Variants in SNTG1 observed in about 807,000 individuals in gnomAD.
SNTG1 encodes the protein syntrophin gamma 1.
A neutral mutation model predicts 74.7 loss-of-function variants in SNTG1; 39 were observed. That is an observed-to-expected ratio of 0.52 (90% CI 0.40 to 0.68). The LOEUF is 0.68. Among genes scored for constraint, SNTG1 ranks in the 30% least tolerant of loss-of-function variants. The pLI, the probability that SNTG1 is intolerant of heterozygous loss-of-function variation, is 0.00. For synonymous variants in SNTG1, 254 were observed against 217.1 expected, an observed-to-expected ratio of 1.17 and a Z score of -1.49; for missense variants, 685 against 609.5, an observed-to-expected ratio of 1.12 and a Z score of -1.30.
chr8:50,526,246 A>G (rs902489475), intron 9 of SNTG1, among the ~76,000 whole-genome samples: 5 of 152,146 alleles, frequency 3.3e-5, no homozygotes, highest in Non-Finnish European at 5.9e-5. Flanking sequence ...AGTGACACAG[A>G]AACCAGACCC....
chr8:50,551,487 T>C (rs2094426306), intron 11 of SNTG1, among the ~76,000 whole-genome samples: 1 of 152,136 alleles, frequency 6.6e-6, no homozygotes, highest in South Asian at 2.1e-4. Flanking sequence ...TATGCTTTAA[T>C]TTATGGTACA....
chr8:50,729,313 T>G (rs1390630949), intron 17 of SNTG1, among the ~76,000 whole-genome samples: 1 of 152,158 alleles, frequency 6.6e-6, no homozygotes, highest in Admixed American at 6.5e-5. Context: ...CCTGGATACA[T>G]GGGATACATG....
intron 9 of SNTG1, among the ~76,000 whole-genome samples, 185 bp from the exon 10 acceptor site, chr8:50,529,992 C>T (rs532595724): frequency 1.6e-4 from 25 of 151,996 alleles, no homozygotes; most frequent in African/African-American, 5.8e-4. Context: ...CTTTTAGTGC[C>T]CAGATACCTG....
At chr8:50,691,457 C>T (rs1298278600) in intron 15 of SNTG1, among the ~76,000 whole-genome samples, 1 of 152,164 alleles carries the variant, frequency 6.6e-6, no homozygotes, top group Admixed American at 6.5e-5. Context: ...GTGACAAAGT[C>T]TCTCAGCATT....
At chr8:50,630,878 C>A (rs114085652) in intron 13 of SNTG1, among the ~76,000 whole-genome samples, 1 of 152,200 alleles carries the variant, frequency 6.6e-6, no homozygotes, top group Non-Finnish European at 1.5e-5. Flanking sequence ...CTCTGCCTAA[C>A]CTTTTGGAAT....
chr8:50,570,637 G>A (rs904742057), intron 12 of SNTG1, among the ~76,000 whole-genome samples: 7 of 143,788 alleles, frequency 4.9e-5, no homozygotes, highest in South Asian at 2.2e-4. Flanking sequence ...GTGGAGTCTC[G>A]CTCTGTCACC....
chr8:50,162,622 C>T (rs140593323), intron 1 of SNTG1, among the ~76,000 whole-genome samples: 72 of 152,028 alleles, frequency 4.7e-4, no homozygotes, highest in Non-Finnish European at 7.8e-4. Context: ...GAACTTCATC[C>T]TCCATCATGC....
chr8:50,745,658 G>C (rs28797212), intron 17 of SNTG1, among the ~76,000 whole-genome samples: 6,651 of 152,016 alleles, frequency 0.044, 382 homozygotes, highest in African/African-American at 0.12. Flanking sequence ...TGCAACTCAA[G>C]TGTCGGTCGA....
intron 1 of SNTG1, among the ~76,000 whole-genome samples, chr8:50,006,265 A>G (rs1815229572): frequency 6.6e-6 from 1 of 152,092 alleles, no homozygotes; most frequent in Non-Finnish European, 1.5e-5. Flanking sequence ...CCGGCCTAGT[A>G]GCACTTTTTG....
At chr8:50,716,794 G>A (rs1456360505) in intron 17 of SNTG1, among the ~76,000 whole-genome samples, 4 of 150,682 alleles carry the variant, frequency 2.7e-5, no homozygotes, top group Admixed American at 1.3e-4. Flanking sequence ...GTGCAGTGGC[G>A]CGATCTCAGC....
intron 18 of SNTG1, among the ~76,000 whole-genome samples, chr8:50,781,324 A>T (rs953565154): frequency 6.6e-6 from 1 of 151,938 alleles, no homozygotes; most frequent in African/African-American, 2.4e-5. Context: ...TCCCATTATT[A>T]TTGTGTGGGA....
chr8:49,985,566 A>T (rs561926993), intron 1 of SNTG1, among the ~76,000 whole-genome samples: 85 of 152,278 alleles, frequency 5.6e-4, no homozygotes, highest in Middle Eastern at 3.4e-3. Flanking sequence ...GACAATAGAA[A>T]TTTTTTTATC....
chr8:50,364,908 T>C (rs1475284697), intron 2 of SNTG1, among the ~76,000 whole-genome samples: 1 of 152,078 alleles, frequency 6.6e-6, no homozygotes, highest in Non-Finnish European at 1.5e-5. Context: ...AATATAATTT[T>C]ATTTTTTCAA....
At chr8:49,989,569 A>G (rs1563438219) in intron 1 of SNTG1, among the ~76,000 whole-genome samples, 2 of 152,116 alleles carry the variant, frequency 1.3e-5, no homozygotes, top group Admixed American at 1.3e-4. Flanking sequence ...TTCTAAAAAC[A>G]TGGTAAGATG....
At chr8:50,419,632 A>T (rs2093056685) in intron 4 of SNTG1, among the ~76,000 whole-genome samples, 1 of 152,184 alleles carries the variant, frequency 6.6e-6, no homozygotes, top group African/African-American at 2.4e-5. Flanking sequence ...GTGGAGGCTT[A>T]GTAGGGAGCT....
intron 2 of SNTG1, among the ~76,000 whole-genome samples, chr8:50,304,336 T>C (rs1420047988): frequency 4.6e-5 from 7 of 152,188 alleles, no homozygotes; most frequent in Admixed American, 3.3e-4. Flanking sequence ...ACAAACTTCT[T>C]TTCTTTATAA....
At chr8:50,092,254 C>T (rs945193574) in intron 1 of SNTG1, among the ~76,000 whole-genome samples, 8 of 152,088 alleles carry the variant, frequency 5.3e-5, no homozygotes, top group Non-Finnish European at 1.2e-4. Context: ...ATACAAAGAC[C>T]TTAATTAGAT....
At chr8:49,972,347 T>C (rs318898) in intron 1 of SNTG1, among the ~76,000 whole-genome samples, 5,764 of 152,076 alleles carry the variant, frequency 0.038, 372 homozygotes, top group African/African-American at 0.13. Flanking sequence ...CTTCCTTACA[T>C]CTTATACAAA....
chr8:50,520,091 A>G (rs186796330), intron 9 of SNTG1, among the ~76,000 whole-genome samples: 2 of 152,332 alleles, frequency 1.3e-5, no homozygotes, highest in African/African-American at 2.4e-5. Flanking sequence ...AACAAAACAG[A>G]CATACAGACC....
Sources: allele counts gnomAD v4.1 joint callset (sites outside exome capture counted in the v4.1 genomes callset), GRCh38; gene constraint gnomAD v4.1.1; transcripts MANE v1.5; gene names NCBI Gene and HGNC (gene_info 2026-07-23, HGNC 2026-07-21).